MSH3: variants seen among roughly 807,000 people sequenced by gnomAD.
MSH3 encodes DNA mismatch repair protein Msh3.
In MSH3, 106 loss-of-function variants were observed where a neutral mutation model predicts 123.3. That is an observed-to-expected ratio of 0.86 (90% confidence interval 0.73 to 1.01). The LOEUF is 1.01. Ranked by LOEUF, MSH3 falls within the 50% of genes least tolerant of loss-of-function variation. The probability of loss-of-function intolerance (pLI) is 0.00; values close to 1 mark genes in which losing one functional copy is unlikely to be tolerated. For synonymous variants in MSH3, 515 were observed against 481.4 expected, an observed-to-expected ratio of 1.07 and a Z score of -0.91; for missense variants, 1,459 against 1,347.6, an observed-to-expected ratio of 1.08 and a Z score of -1.29.
intron 3 of MSH3, among the ~76,000 whole-genome samples, chr5:80,665,940 A>G (rs952255226): frequency 4.6e-5 from 7 of 152,230 alleles, no homozygotes; most frequent in Non-Finnish European, 7.3e-5. Context: ...TTAGCTTTAC[A>G]TTGGAATCAC....
chr5:80,667,138 G>A (rs1484415584), intron 3 of MSH3, among the ~76,000 whole-genome samples: 2 of 152,046 alleles, frequency 1.3e-5, no homozygotes, highest in African/African-American at 4.8e-5. Flanking sequence ...TGATTTAATT[G>A]TTAGCATCCC....
At position 80,787,904 on chromosome 5, in the gene MSH3, T is replaced by A. The variant is rs1744538812; in HGVS notation, c.2543+232T>A. ...TTAAAGTTTATGTGGGTGACATTTT[T>A]ATAAAGTTTCAGCACTCTTTTCATT... On this transcript the variant is annotated intron_variant, in intron 18 of 23. Transcript: ENST00000265081. Among the ~76,000 whole-genome samples, 3 of 152,222 alleles carry A rather than the reference T, an allele frequency of 2.0e-5. No homozygotes were observed. The South Asian group carries it at 6.2e-4, about 32-fold the overall frequency.
At chr5:80,745,331 T>C (rs151093172) in intron 12 of MSH3, among the ~76,000 whole-genome samples, 132 of 152,340 alleles carry the variant, frequency 8.7e-4, no homozygotes, top group African/African-American at 2.8e-3. Flanking sequence ...TTGGAGATTC[T>C]GACCTAGAAC....
chr5:80,793,248 G>T (rs1380135013), intron 19 of MSH3, among the ~76,000 whole-genome samples: 1 of 152,164 alleles, frequency 6.6e-6, no homozygotes, highest in Non-Finnish European at 1.5e-5. Flanking sequence ...CCAGTGATGA[G>T]AATTTTCATT....
chr5:80,709,194 G>A (rs982422648), intron 8 of MSH3, among the ~76,000 whole-genome samples: 14 of 147,066 alleles, frequency 9.5e-5, no homozygotes, highest in Non-Finnish European at 1.8e-4. Flanking sequence ...CATTAGCGAT[G>A]AATATAAAAT....
At chr5:80,736,055 A>G (rs1039754896) in intron 10 of MSH3, among the ~76,000 whole-genome samples, 9 of 152,060 alleles carry the variant, frequency 5.9e-5, no homozygotes, top group African/African-American at 1.7e-4. Flanking sequence ...GTGAAATTCC[A>G]TCTTTCCAAA....
chr5:80,760,194 C>A (rs1469138504), intron 12 of MSH3, among the ~76,000 whole-genome samples: 1 of 152,190 alleles, frequency 6.6e-6, no homozygotes, highest in Non-Finnish European at 1.5e-5. Flanking sequence ...TTCATTCTTT[C>A]ATCCACTTGT....
intron 2 of MSH3, among the ~76,000 whole-genome samples, chr5:80,661,527 A>G (rs1749434173): frequency 6.6e-6 from 1 of 152,190 alleles, no homozygotes; most frequent in African/African-American, 2.4e-5. Context: ...CCAGTTCTCT[A>G]TATGAATTAT....
At chr5:80,703,079 T>G (rs549481946) in intron 8 of MSH3, among the ~76,000 whole-genome samples, 5 of 152,340 alleles carry the variant, frequency 3.3e-5, no homozygotes, top group Admixed American at 2.6e-4. Flanking sequence ...CTGCCATTAC[T>G]GAAATTAACT....
intron 19 of MSH3, among the ~76,000 whole-genome samples, chr5:80,805,593 CTTTTTT>C (rs34689496): frequency 9.6e-6 from 1 of 104,498 alleles, no homozygotes; most frequent in Non-Finnish European, 1.9e-5. Context: ...CCCCCCCTAC[CTTTTTT>C]TTTTTTTTTT....
chr5:80,868,309 G>A (rs879771042), intron 22 of MSH3, among the ~76,000 whole-genome samples: 2 of 151,886 alleles, frequency 1.3e-5, no homozygotes, highest in African/African-American at 2.4e-5. Context: ...TCATAAAGAC[G>A]CATGCACACG....
At chr5:80,866,335 C>T (rs567720954) in intron 22 of MSH3, among the ~76,000 whole-genome samples, 1 of 152,188 alleles carries the variant, frequency 6.6e-6, no homozygotes, top group Non-Finnish European at 1.5e-5. Context: ...GACAGGCTCT[C>T]ACTATGTTGC....
chr5:80,864,849 C>A lies in MSH3; in HGVS notation c.3037C>A (p.Pro1013Thr). The change falls in exon 22 of 24, where the codon CCA becomes ACA. Residue 1013 changes from proline to threonine, a missense_variant. By Grantham distance (38) the Pro-to-Thr change is conservative. Transcript: ENST00000265081. ...SLTLFVTHYPPVCELEKNYSH... is the reference protein window; with the variant it reads ...SLTLFVTHYPTVCELEKNYSH... ...AACCCTGTTTGTCACCCATTATCCG[C>A]CAGTTTGTGAACTAGAAAAAAATTA... is the stretch of plus-strand genomic sequence containing the variant. The A allele has an allele frequency of 6.2e-7, 1 of 1,613,074 alleles. No individual in the cohort carries two copies. Among genetic ancestry groups the A allele is most frequent in the South Asian group, 1.1e-5 (1 of 91,058 alleles).
At chr5:80,704,593 C>T (rs969911557) in intron 8 of MSH3, among the ~76,000 whole-genome samples, 1 of 152,116 alleles carries the variant, frequency 6.6e-6, no homozygotes, top group African/African-American at 2.4e-5. Context: ...CTGGTAAGCC[C>T]ATCCTTATGT....
At chr5:80,776,710 G>A (rs1461882700) in intron 16 of MSH3, among the ~76,000 whole-genome samples, 2 of 151,548 alleles carry the variant, frequency 1.3e-5, no homozygotes, top group South Asian at 2.1e-4. Flanking sequence ...ATATTTATTA[G>A]TACTGTTATC....
rs966078374 is a variant in MSH3, at chr5:80,654,969, G to A, written c.237+5G>A. 3 of 1,458,118 alleles carry A rather than the reference G, an allele frequency of 2.1e-6. No homozygotes were observed. The highest frequency in any genetic ancestry group is 1.8e-6 in the Non-Finnish European group (2 of 1,107,056). 90.3% of individuals were successfully genotyped at this position (1,458,118 alleles called of 1,614,324 possible). On this transcript the variant is annotated splice_donor_5th_base_variant and intron_variant, in intron 1 of 23. Coordinates refer to ENST00000265081, the MANE Select transcript of MSH3 (RefSeq NM_002439.5). ...CCCCAGCTGCCGCCGCACATAGTAG[G>A]TTCTGTCTGGGACTGGGCAGGGCCA...
intron 7 of MSH3, among the ~76,000 whole-genome samples, chr5:80,676,302 A>G (rs1247676619): frequency 1.3e-5 from 2 of 152,218 alleles, no homozygotes; most frequent in Admixed American, 1.3e-4. Context: ...AAATGTTAGG[A>G]TTACAGGCGT....
chr5:80,733,419 T>G (rs944431298), intron 10 of MSH3, among the ~76,000 whole-genome samples: 2 of 152,116 alleles, frequency 1.3e-5, no homozygotes, highest in African/African-American at 4.8e-5. Flanking sequence ...AATGAGGCAA[T>G]GATTTCTTAA....
chr5:80,813,725 G>A lies in MSH3; in HGVS notation c.2797G>A (p.Asp933Asn), dbSNP rs183284764. ...AGAAGAAGCGACAATTGGGATTGTG[G>A]ATGGCATTTTCACAAGGTAAGTACG... ...PAEEATIGIV[D>N]GIFTRMGAAD... Residue 933 changes from aspartate (D) to asparagine (N), a missense_variant, in exon 20 of 24, where the codon GAT (aspartate) becomes AAT (asparagine). Coordinates refer to ENST00000265081, the MANE Select transcript of MSH3 (RefSeq NM_002439.5). 6.2e-7 allele frequency: 1 copy of A among 1,614,170 alleles called. No homozygotes were observed. Among genetic ancestry groups the A allele is most frequent in the East Asian group, 2.2e-5 (1 of 44,876 alleles).
Sources: allele counts gnomAD v4.1 joint callset (sites outside exome capture counted in the v4.1 genomes callset), GRCh38; gene constraint gnomAD v4.1.1; transcripts MANE v1.5; gene names NCBI Gene and HGNC (gene_info 2026-07-23, HGNC 2026-07-21).